Variants in MELTF observed in about 807,000 individuals in gnomAD.
MELTF encodes antigen p97 (melanoma associated) identified by monoclonal antibodies 133.2 and 96.5.
MELTF carries 67 observed loss-of-function variants against 83.7 expected under a neutral mutation model. The observed-to-expected ratio is 0.80, with a 90% CI of 0.66 to 0.98. The LOEUF (loss-of-function observed/expected upper bound fraction) is 0.98, where lower values mean the gene tolerates loss of function less well. MELTF is among the 50% of genes least tolerant of loss of function. The probability of loss-of-function intolerance (pLI) is 0.00; values close to 1 mark genes in which losing one functional copy is unlikely to be tolerated. For missense variants in MELTF, 1,002 were observed against 1,035.6 expected (o/e 0.97, Z 0.44); for synonymous variants, 462 against 447.6 (o/e 1.03, Z -0.41).
In MELTF at chr3:197,024,499, G is replaced by C. The variant is rs1719773379; in HGVS notation, c.305-14C>G. 6 of 1,562,054 alleles carry C rather than the reference G, an allele frequency of 3.8e-6. No individual in the cohort carries two copies. Among genetic ancestry groups the C allele is most frequent in the Non-Finnish European group, 5.2e-6 (6 of 1,146,570 alleles). On this transcript the variant is annotated splice_polypyrimidine_tract_variant and intron_variant, in intron 3 of 15. Transcript: ENST00000296350. This position sits in a 1 kb window ranked among gnomAD's most constrained non-coding sequence, Gnocchi z 5.3. ...AGGTACCGACCTCTAGGAGGGGAGG[G>C]GAGTGGGTGAGGGCAGCAGGGAGAG...
chr3:197,013,663 A>G (rs1314331145), intron 9 of MELTF, among the ~76,000 whole-genome samples: 1 of 152,230 alleles, frequency 6.6e-6, no homozygotes, highest in Admixed American at 6.5e-5. Context: ...CATGCAACGG[A>G]AACATCTCAA....
intron 14 of MELTF, 21 bp from the exon 15 acceptor site, chr3:197,004,120 C>G (rs770321268): frequency 2.5e-6 from 4 of 1,613,210 alleles, no homozygotes; most frequent in Non-Finnish European, 3.4e-6. Flanking sequence ...CGCAGGCAGA[C>G]GACCTGCTCC....
At chr3:197,013,524 T>C (rs979813771) in intron 9 of MELTF, among the ~76,000 whole-genome samples, 2 of 152,176 alleles carry the variant, frequency 1.3e-5, no homozygotes, top group African/African-American at 2.4e-5. Flanking sequence ...GCAAAGGGAA[T>C]TGTATCAAAC....
In MELTF at chr3:197,024,214, G is replaced by T; in HGVS notation, c.487+89C>A. 7.2e-7 allele frequency: 1 copy of T among 1,386,148 alleles called. No individual in the cohort carries two copies. 85.9% of individuals were successfully genotyped at this position (1,386,148 alleles called of 1,614,324 possible). ...GGAATGAAGAATGGTGGCGAGGCCG[G>T]AGGGAGGCTACCCAGTGAAGGGACG... On this transcript the variant is annotated intron_variant, in intron 4 of 15. Coordinates refer to ENST00000296350, the MANE Select transcript of MELTF (RefSeq NM_005929.6). This position sits in a 1 kb window ranked among gnomAD's most constrained non-coding sequence, Gnocchi z 5.3.
At position 197,002,394 on chromosome 3, in the gene MELTF, G is replaced by C. The variant is rs1230275009; in HGVS notation, c.*978C>G. 1 of 152,330 alleles carries C rather than the reference G, an allele frequency of 6.6e-6. No individual in the cohort carries two copies. The highest frequency in any genetic ancestry group is 1.5e-5 in the Non-Finnish European group (1 of 68,112). The allele number at this position is 152,330 out of a possible 1,614,324, so 9.4% of individuals were successfully genotyped here. ...GACAACTGTGGCAAGATGGAGTAGA[G>C]AGAGGCCCCGGCCGGGCGCTTTCTG... On this transcript the variant is annotated 3_prime_UTR_variant, in exon 16 of 16. Transcript: ENST00000296350.
intron 4 of MELTF, among the ~76,000 whole-genome samples, 156 bp from the exon 5 acceptor site, chr3:197,023,269 G>C (rs1303467592): frequency 1.3e-5 from 2 of 152,164 alleles, no homozygotes; most frequent in African/African-American, 4.8e-5. Context: ...GAGTGGACCC[G>C]ATCAGTGACC....
intron 2 of MELTF, chr3:197,026,993 A>C (rs1383510207): frequency 1.3e-5 from 7 of 538,364 alleles, no homozygotes; most frequent in Non-Finnish European, 2.0e-5. Flanking sequence ...TTGATTTTGC[A>C]GGACTCAGAT....
Position 197,029,266 on chromosome 3 carries a change from T to G in MELTF, c.49+388A>C. On this transcript the variant is annotated intron_variant, in intron 1 of 15. Transcript: ENST00000296350. The surrounding 1 kb of genome is among the most constrained non-coding windows in gnomAD (Gnocchi z 6.5). ...GCCTGCCGGTCAGTCCCTCTGAATC[T>G]TCTCCCGCGGGGGCTCGGGAGAAAG... The G allele has an allele frequency of 5.5e-6, 1 of 180,234 alleles. No homozygotes were observed. The highest frequency in any genetic ancestry group is 1.2e-5 in the Non-Finnish European group (1 of 86,740). The allele number at this position is 180,234 out of a possible 1,614,324, so 11.2% of individuals were successfully genotyped here. A position where few individuals can be genotyped will look rare whatever the true frequency, so the allele number is the denominator to read the frequency against.
chr3:197,003,622 C>A lies in MELTF; in HGVS notation c.2138-171G>T. 1 of 649,010 alleles carries A rather than the reference C, an allele frequency of 1.5e-6. No homozygotes were observed. Among genetic ancestry groups the A allele is most frequent in the Non-Finnish European group, 2.5e-6 (1 of 403,238 alleles). The allele number at this position is 649,010 out of a possible 1,614,324, so 40.2% of individuals were successfully genotyped here. A position where few individuals can be genotyped will look rare whatever the true frequency, so the allele number is the denominator to read the frequency against. ...TCCAGATGCGCTCTTTCCAGAAAGG[C>A]AGCACACGCATGTCTCTGCCGTGGC... is the stretch of plus-strand genomic sequence containing the variant. On this transcript the variant is annotated intron_variant, in intron 15 of 15. Coordinates refer to ENST00000296350, the MANE Select transcript of MELTF (RefSeq NM_005929.6). This position sits in a 1 kb window ranked among gnomAD's most constrained non-coding sequence, Gnocchi z 6.2.
intron 1 of MELTF, chr3:197,028,437 C>T (rs1719952167): frequency 6.4e-6 from 1 of 155,298 alleles, no homozygotes; most frequent in Admixed American, 6.3e-5. Flanking sequence ...GCAAAGCCAC[C>T]CTCGGTGGGC....
chr3:197,026,524 C>T lies in MELTF; in HGVS notation c.304+136G>A, dbSNP rs1284343992. 42 of 716,488 alleles carry T rather than the reference C, an allele frequency of 5.9e-5. No homozygotes were observed. In the East Asian group the frequency reaches 1.0e-3, roughly 17 times the overall value. 44.4% of individuals were successfully genotyped at this position (716,488 alleles called of 1,614,324 possible). ...TGGGGAATTTGAGAGAGCCTTAGGG[C>T]GTTCTTCTGGCTGGGACTCCAGGAC... is the stretch of plus-strand genomic sequence containing the variant. On this transcript the variant is annotated intron_variant, in intron 3 of 15. Coordinates refer to ENST00000296350, the MANE Select transcript of MELTF (RefSeq NM_005929.6).
intron 4 of MELTF, 57 bp from the exon 5 acceptor site, chr3:197,023,170 GC>G: frequency 6.3e-7 from 1 of 1,585,602 alleles, no homozygotes. Context: ...GCCAAGCCAA[GC>G]CCCCAGGGTC....
At position 197,024,549 on chromosome 3, in the gene MELTF, C is replaced by T. The variant is rs1405367153; in HGVS notation, c.305-64G>A. On this transcript the variant is annotated intron_variant, in intron 3 of 15. Transcript: ENST00000296350. This position sits in a 1 kb window ranked among gnomAD's most constrained non-coding sequence, Gnocchi z 5.3. ...GGCCTCGAGAGAGGCTGCACCAGCA[C>T]CCTGCCTGGGCGGGCTGTGGGAGAG... is the stretch of plus-strand genomic sequence containing the variant. 4.8e-6 allele frequency: 7 copies of T among 1,451,436 alleles called. No homozygotes were observed. Among genetic ancestry groups the T allele is most frequent in the Non-Finnish European group, 5.6e-6 (6 of 1,073,066 alleles). 89.9% of individuals were successfully genotyped at this position (1,451,436 alleles called of 1,614,324 possible).
In MELTF at chr3:197,015,170, G is replaced by C. The variant is rs527747953; in HGVS notation, c.1233+195C>G. On this transcript the variant is annotated intron_variant, in intron 9 of 15. Coordinates refer to ENST00000296350, the MANE Select transcript of MELTF (RefSeq NM_005929.6). ...GGGGTGGGTGCTGGCCCCTGCGGTC[G>C]CTCCTCCCCGCCTGTCTCTGTCCCC... Among the ~76,000 whole-genome samples the C allele has an allele frequency of 8.5e-5, 13 of 152,200 alleles. No individual in the cohort carries two copies. In the East Asian group the frequency reaches 2.1e-3, roughly 25 times the overall value.
In MELTF at chr3:197,008,911, T is replaced by C. The variant is rs1272544061; in HGVS notation, c.1580A>G (p.Tyr527Cys). The part of the protein sequence containing the change: ...SCVPVNNPKN[Y>C]PSSLCALCVG... ...GCACAGTGCACACAGCGAGGAGGGG[T>C]AGTTCTTGGGGTTGTTCACGGGCAC... The change falls in exon 12 of 16, where the codon TAC (tyrosine) becomes TGC (cysteine). Residue 527 changes from tyrosine to cysteine, a missense_variant. Physicochemically the swap from Tyr to Cys is radical, Grantham distance 194. Coordinates refer to ENST00000296350, the MANE Select transcript of MELTF (RefSeq NM_005929.6). This position sits in a 1 kb window ranked among gnomAD's most constrained non-coding sequence, Gnocchi z 5.4. 2.5e-6 allele frequency: 4 copies of C among 1,613,614 alleles called. No individual in the cohort carries two copies. The highest frequency in any genetic ancestry group is 3.4e-6 in the Non-Finnish European group (4 of 1,179,916).
chr3:197,013,112 C>T (rs1339803515), intron 9 of MELTF, among the ~76,000 whole-genome samples: 1 of 152,174 alleles, frequency 6.6e-6, no homozygotes, highest in Admixed American at 6.5e-5. Context: ...ACAAGGGACC[C>T]TGAATAGCCA....
At position 197,008,923 on chromosome 3, in the gene MELTF, T is replaced by C. The variant is rs764766320; in HGVS notation, c.1568A>G (p.Asn523Ser). Residue 523 changes from asparagine (N) to serine (S), a missense_variant, in exon 12 of 16, where the codon AAC (asparagine) becomes AGC (serine). Physicochemically the swap from Asn to Ser is conservative, Grantham distance 46. Coordinates refer to ENST00000296350, the MANE Select transcript of MELTF (RefSeq NM_005929.6). This position sits in a 1 kb window ranked among gnomAD's most constrained non-coding sequence, Gnocchi z 5.4. ...FFNASCVPVN[N>S]PKNYPSSLCA... ...CAGCGAGGAGGGGTAGTTCTTGGGG[T>C]TGTTCACGGGCACGCAGCTGGCATT... The C allele has an allele frequency of 6.2e-7, 1 of 1,613,864 alleles. No individual in the cohort carries two copies. Among genetic ancestry groups the C allele is most frequent in the Non-Finnish European group, 8.5e-7 (1 of 1,179,924 alleles).
chr3:197,010,071 G>A (rs764579231), intron 10 of MELTF, among the ~76,000 whole-genome samples: 11 of 152,186 alleles, frequency 7.2e-5, no homozygotes, highest in Non-Finnish European at 1.0e-4. Context: ...TTCCCCACAG[G>A]GGCTTCTTTC....
At chr3:197,004,890 C>G (rs1718921484) in intron 14 of MELTF, 1 of 152,230 alleles carries the variant, frequency 6.6e-6, no homozygotes. Context: ...CACATCCACC[C>G]AGGATTCTTC....
Sources: allele counts gnomAD v4.1 joint callset (sites outside exome capture counted in the v4.1 genomes callset), GRCh38; gene constraint gnomAD v4.1.1; non-coding constraint Gnocchi (gnomAD v3.1); transcripts MANE v1.5; gene names NCBI Gene and HGNC (gene_info 2026-07-23, HGNC 2026-07-21).